Variants in NDNF observed in about 807,000 individuals in gnomAD.
The protein encoded by NDNF is protein NDNF.
In NDNF, 16 loss-of-function variants were observed where a neutral mutation model predicts 42.0. That is an observed-to-expected ratio of 0.38 (90% CI 0.26 to 0.58). The LOEUF is 0.58. Ranked by LOEUF, NDNF falls within the 20% of genes least tolerant of loss-of-function variation. NDNF has a pLI of 0.67. For synonymous variants in NDNF, 248 were observed against 251.7 expected (o/e 0.99, Z 0.14); for missense variants, 616 against 666.2 (o/e 0.92, Z 0.83).
In NDNF at chr4:121,036,217, A is replaced by G; in HGVS notation, c.*47T>C. ...AGTCAGTTTATACTTAAAGTGATTT[A>G]ATGTCCCTCCTGGAGTTCTACATAA... On this transcript the variant is annotated 3_prime_UTR_variant, in exon 4 of 4. Transcript: ENST00000379692. 6.9e-7 allele frequency: 1 copy of G among 1,456,306 alleles called. No individual in the cohort carries two copies. Among genetic ancestry groups the G allele is most frequent in the Non-Finnish European group, 9.3e-7 (1 of 1,075,262 alleles). 90.2% of individuals were successfully genotyped at this position (1,456,306 alleles called of 1,614,324 possible).
At chr4:121,062,196 A>G (rs1399773786) in intron 1 of NDNF, among the ~76,000 whole-genome samples, 1 of 152,258 alleles carries the variant, frequency 6.6e-6, no homozygotes, top group African/African-American at 2.4e-5. Context: ...AGAAGCACAG[A>G]GTTAAAGGCC....
intron 2 of NDNF, among the ~76,000 whole-genome samples, chr4:121,044,584 A>T (rs1727056535): frequency 6.6e-6 from 1 of 151,932 alleles, no homozygotes; most frequent in Non-Finnish European, 1.5e-5. Context: ...GTTGGAGTAA[A>T]GGTAAATAAA....
intron 3 of NDNF, chr4:121,037,974 A>G (rs911126052): frequency 3.4e-5 from 8 of 238,474 alleles, no homozygotes; most frequent in African/African-American, 1.6e-4. Context: ...AAAGAATTGT[A>G]TCAGTTTGCA....
chr4:121,045,381 C>T (rs1727072857), intron 2 of NDNF, among the ~76,000 whole-genome samples: 1 of 151,200 alleles, frequency 6.6e-6, no homozygotes, highest in South Asian at 2.1e-4. Flanking sequence ...TCCTCCTGTA[C>T]TGAAAAGAAG....
chr4:121,059,989 G>T (rs1727375260), intron 1 of NDNF, among the ~76,000 whole-genome samples: 1 of 152,072 alleles, frequency 6.6e-6, no homozygotes, highest in Non-Finnish European at 1.5e-5. Flanking sequence ...GCAGCAGTAG[G>T]ATTTTCATCT....
intron 3 of NDNF, chr4:121,038,712 T>C (rs946481533): frequency 1.3e-5 from 2 of 152,030 alleles, no homozygotes; most frequent in Non-Finnish European, 2.9e-5. Flanking sequence ...TTTGGCCAGG[T>C]GCGGTGGCTC....
intron 1 of NDNF, among the ~76,000 whole-genome samples, chr4:121,048,330 C>T (rs1022077219): frequency 6.6e-6 from 1 of 152,180 alleles, no homozygotes; most frequent in Non-Finnish European, 1.5e-5. Context: ...GCCTCAGAGC[C>T]ACTCAAGGCT....
intron 2 of NDNF, among the ~76,000 whole-genome samples, chr4:121,041,990 A>C (rs1287796107): frequency 6.6e-6 from 1 of 152,088 alleles, no homozygotes; most frequent in Non-Finnish European, 1.5e-5. Flanking sequence ...TCACATTTAG[A>C]GTCATTTCTT....
At position 121,037,487 on chromosome 4, in the gene NDNF, A is replaced by G. The variant is rs1217327138; in HGVS notation, c.484T>C (p.Tyr162His). The G allele has an allele frequency of 6.2e-7, 1 of 1,614,178 alleles. No individual in the cohort carries two copies. The highest frequency in any genetic ancestry group is 1.7e-5 in the Admixed American group (1 of 60,020). Residue 162 changes from tyrosine to histidine, a missense_variant, in exon 4 of 4, where the codon TAT (tyrosine) becomes CAT (histidine). Transcript: ENST00000379692. ...TCAGATTCTGGAGTTGTGGTGGCAT[A>G]TACTTTGAAATGTGTGTCTTTCTCT... ...STEKDTHFKV[Y>H]ATTTPESDQP...
At chr4:121,040,185 C>T (rs1290097932) in intron 2 of NDNF, 131 bp from the exon 3 acceptor site, 1 of 922,416 alleles carries the variant, frequency 1.1e-6, no homozygotes, top group Non-Finnish European at 1.6e-6. Context: ...CATAAAATGT[C>T]ATTGTATTTT....
rs750747993 is a variant in NDNF at position 121,036,823 on chromosome 4, T to A, written c.1148A>T (p.Asp383Val). 2.5e-6 allele frequency: 4 copies of A among 1,613,994 alleles called. No individual in the cohort carries two copies. In the East Asian group the frequency reaches 8.9e-5, roughly 36 times the overall value. Residue 383 changes from aspartate to valine, a missense_variant, in exon 4 of 4, where the codon GAT becomes GTT. Coordinates refer to ENST00000379692, the MANE Select transcript of NDNF (RefSeq NM_024574.4). ...TCTTCTCACTTGGATTTGGACAGCA[T>A]CCAGACAAGAGTGAATAAAGAAGGT... The part of the protein sequence containing the change: ...KVTFFIHSCL[D>V]AVQIQVRRDG...
At chr4:121,070,049 G>A (rs571796351) in intron 1 of NDNF, among the ~76,000 whole-genome samples, 1 of 152,222 alleles carries the variant, frequency 6.6e-6, no homozygotes, top group South Asian at 2.1e-4. Flanking sequence ...GTGGTAAAAC[G>A]ACAGTATCTT....
chr4:121,036,943 A>T lies in NDNF; in HGVS notation c.1028T>A (p.Val343Asp). The T allele has an allele frequency of 6.2e-7, 1 of 1,613,896 alleles. No individual in the cohort carries two copies. Among genetic ancestry groups the T allele is most frequent in the Non-Finnish European group, 8.5e-7 (1 of 1,180,002 alleles). The change falls in exon 4 of 4, where the codon GTC becomes GAC. Residue 343 changes from valine (V) to aspartate (D), a missense_variant. Coordinates refer to ENST00000379692, the MANE Select transcript of NDNF (RefSeq NM_024574.4). ...TGTTATCTTCCCATCTTTTAGCTCGACTGTCTTCTGTTTGGCTTCTTCCTT... is the reference window on the plus strand; with the variant it reads ...TGTTATCTTCCCATCTTTTAGCTCGTCTGTCTTCTGTTTGGCTTCTTCCTT... The part of the protein sequence containing the change: ...RTKEEAKQKT[V>D]ELKDGKITDV...
At chr4:121,045,948 C>T (rs549284558) in intron 1 of NDNF, 110 bp from the exon 2 acceptor site, 52 of 994,984 alleles carry the variant, frequency 5.2e-5, no homozygotes, top group South Asian at 4.8e-4. Context: ...AATTTAGGGA[C>T]GCATCATGTA....
Position 121,036,982 on chromosome 4 carries a change from G to A in NDNF, c.989C>T (p.Thr330Ile). ...NSNMSTAYVG[T>I]FARTKEEAKQ... ...GGCTTCTTCCTTGGTCCTGGCAAAGGTACCTACATAAGCGGTGCTCATGTT... is the reference window on the plus strand; with the variant it reads ...GGCTTCTTCCTTGGTCCTGGCAAAGATACCTACATAAGCGGTGCTCATGTT... Residue 330 changes from threonine (T) to isoleucine (I), a missense_variant, in exon 4 of 4, where the codon ACC (threonine) becomes ATC (isoleucine). Coordinates refer to ENST00000379692, the MANE Select transcript of NDNF (RefSeq NM_024574.4). 1 of 1,613,892 alleles carries A rather than the reference G, an allele frequency of 6.2e-7. No homozygotes were observed. The highest frequency in any genetic ancestry group is 8.5e-7 in the Non-Finnish European group (1 of 1,180,002).
At chr4:121,056,056 A>G (rs1354574953) in intron 1 of NDNF, among the ~76,000 whole-genome samples, 2 of 152,182 alleles carry the variant, frequency 1.3e-5, no homozygotes, top group Admixed American at 6.6e-5. Flanking sequence ...ATGTGACCAG[A>G]CCTCTTCATA....
Position 121,057,445 on chromosome 4 carries a change from A to G in NDNF, c.-1-11607T>C, listed in dbSNP as rs532133560. ...GAGTTAACTGCAACCATCACCCACT[A>G]AGAGGGACACGCTGCCAAGCCACAG... On this transcript the variant is annotated intron_variant, in intron 1 of 3. Transcript: ENST00000379692. Among the ~76,000 whole-genome samples, 7 of 152,230 alleles carry G rather than the reference A, an allele frequency of 4.6e-5. No homozygotes were observed. The South Asian group carries it at 1.2e-3, about 27-fold the overall frequency.
intron 1 of NDNF, among the ~76,000 whole-genome samples, chr4:121,064,498 C>G (rs1353757211): frequency 6.6e-6 from 1 of 152,138 alleles, no homozygotes; most frequent in Non-Finnish European, 1.5e-5. Context: ...ACTTTTTAAA[C>G]TCTCAGATTA....
At chr4:121,045,195 A>C (rs1316299444) in intron 2 of NDNF, among the ~76,000 whole-genome samples, 3 of 152,116 alleles carry the variant, frequency 2.0e-5, no homozygotes, top group African/African-American at 7.2e-5. Context: ...TATTAAAAAT[A>C]CAAAAAATTA....
Sources: gnomAD v4.1 joint callset for allele counts (sites outside exome capture counted in the v4.1 genomes callset) on GRCh38, gnomAD v4.1.1 for gene constraint, MANE v1.5 for transcripts, NCBI Gene and HGNC (gene_info 2026-07-23, HGNC 2026-07-21) for gene names.